The following DPY19L3 variants were observed in gnomAD, a reference collection of about 807,000 sequenced individuals.
The protein encoded by DPY19L3 is protein C-mannosyl-transferase DPY19L3.
In DPY19L3, 51 loss-of-function variants were observed where a neutral mutation model predicts 92.3. That is an observed-to-expected ratio of 0.55 (90% CI 0.44 to 0.70). The LOEUF (loss-of-function observed/expected upper bound fraction) is 0.70, where lower values mean the gene tolerates loss of function less well. Ranked by LOEUF, DPY19L3 falls within the 30% of genes least tolerant of loss-of-function variation. DPY19L3 has a pLI of 0.00. For synonymous variants in DPY19L3, 309 were observed against 315.2 expected, an observed-to-expected ratio of 0.98 and a Z score of 0.21; for missense variants, 706 against 855.9, an observed-to-expected ratio of 0.82 and a Z score of 2.18.
intron 3 of DPY19L3, among the ~76,000 whole-genome samples, chr19:32,423,276 T>A (rs897090965): frequency 1.3e-5 from 2 of 152,084 alleles, no homozygotes; most frequent in African/African-American, 4.8e-5. Context: ...GCTCGCTCTG[T>A]CGCCTAGGCT....
At chr19:32,477,388 TC>T (rs1413329105) in intron 16 of DPY19L3, 133 bp from the exon 17 acceptor site, 1 of 1,182,696 alleles carries the variant, frequency 8.5e-7, no homozygotes, top group Non-Finnish European at 1.2e-6. Flanking sequence ...CGAAGCAAAC[TC>T]CCGTTTTTTT....
chr19:32,482,075 T>G lies in DPY19L3; in HGVS notation c.1990-4T>G, dbSNP rs1970689593. On this transcript the variant is annotated splice_polypyrimidine_tract_variant and splice_region_variant and intron_variant, in intron 18 of 18. Transcript: ENST00000392250. Reference sequence around the variant, plus strand: ...AATTGTATTTGGGTTTGTTTTGGTTTTAGATGATGGATGGCCCAGGAGAGA... The same window carrying G: ...AATTGTATTTGGGTTTGTTTTGGTTGTAGATGATGGATGGCCCAGGAGAGA... The G allele has an allele frequency of 6.2e-7, 1 of 1,606,536 alleles. No individual in the cohort carries two copies. Among genetic ancestry groups the G allele is most frequent in the Admixed American group, 1.7e-5 (1 of 57,736 alleles).
intron 3 of DPY19L3, among the ~76,000 whole-genome samples, chr19:32,431,991 A>G (rs895403585): frequency 2.0e-5 from 3 of 152,206 alleles, no homozygotes; most frequent in African/African-American, 7.2e-5. Flanking sequence ...AAAGTATTTC[A>G]TTTGGATTTC....
chr19:32,459,170 T>G (rs969447790), intron 12 of DPY19L3, among the ~76,000 whole-genome samples: 1 of 152,152 alleles, frequency 6.6e-6, no homozygotes, highest in Non-Finnish European at 1.5e-5. Flanking sequence ...TATCTACCAA[T>G]CTACTGAAAG....
In DPY19L3 at chr19:32,437,147, G is replaced by A. The variant is rs763169730; in HGVS notation, c.451-47G>A. ...GTCATGTTTTAAATGGCACTGAGGA[G>A]GGTTAGGGCTCACCTGACAAACATG... is the stretch of plus-strand genomic sequence containing the variant. On this transcript the variant is annotated intron_variant, in intron 5 of 18. Coordinates refer to ENST00000392250, the MANE Select transcript of DPY19L3 (RefSeq NM_001172774.2). 1.1e-5 allele frequency: 17 copies of A among 1,610,074 alleles called. No homozygotes were observed. The African/African-American group carries it at 2.1e-4, about 20-fold the overall frequency.
chr19:32,467,554 C>T, intron 15 of DPY19L3: 1 of 987,594 alleles, frequency 1.0e-6, no homozygotes, highest in Non-Finnish European at 1.2e-6. Flanking sequence ...TTTGAATGAG[C>T]AGTAAAAATG....
intron 3 of DPY19L3, among the ~76,000 whole-genome samples, chr19:32,430,646 G>A (rs1178801968): frequency 1.3e-5 from 2 of 151,820 alleles, no homozygotes; most frequent in Non-Finnish European, 2.9e-5. Flanking sequence ...TTTGAGGCAG[G>A]GTCTCGCTCT....
intron 15 of DPY19L3, 43 bp downstream of exon 15, chr19:32,464,827 A>C: frequency 7.6e-7 from 1 of 1,316,850 alleles, no homozygotes. Flanking sequence ...TGTATTTAGC[A>C]GAATAATTGC....
chr19:32,429,137 A>G (rs1226050341), intron 3 of DPY19L3, among the ~76,000 whole-genome samples: 2 of 152,074 alleles, frequency 1.3e-5, no homozygotes, highest in Non-Finnish European at 2.9e-5. Context: ...GTGAGCCACC[A>G]CACCCGGCCA....
At position 32,483,754 on chromosome 19, in the gene DPY19L3, T is replaced by C. The variant is rs908428355; in HGVS notation, c.*1514T>C. On this transcript the variant is annotated 3_prime_UTR_variant, in exon 19 of 19. Coordinates refer to ENST00000392250, the MANE Select transcript of DPY19L3 (RefSeq NM_001172774.2). ...TTATGCAACTGAAACTCCTGAATTA[T>C]ATCTTTTCTGTATCCCTTAATAAGA... The C allele has an allele frequency of 2.0e-5, 3 of 152,332 alleles. No individual in the cohort carries two copies. The highest frequency in any genetic ancestry group is 6.5e-5 in the Admixed American group (1 of 15,286). 9.4% of individuals were successfully genotyped at this position (152,332 alleles called of 1,614,324 possible).
chr19:32,449,696 G>T (rs898467062), intron 8 of DPY19L3, among the ~76,000 whole-genome samples: 1 of 152,216 alleles, frequency 6.6e-6, no homozygotes, highest in Admixed American at 6.5e-5. Flanking sequence ...AACAAATGGT[G>T]CAGGAATAAC....
At chr19:32,473,951 C>G (rs372937331) in intron 16 of DPY19L3, among the ~76,000 whole-genome samples, 1 of 152,072 alleles carries the variant, frequency 6.6e-6, no homozygotes, top group African/African-American at 2.4e-5. Context: ...TACAGGCAGG[C>G]GCCACCACAC....
intron 16 of DPY19L3, among the ~76,000 whole-genome samples, chr19:32,471,824 G>C (rs887210247): frequency 2.0e-5 from 3 of 152,174 alleles, no homozygotes; most frequent in African/African-American, 2.4e-5. Flanking sequence ...TTACCTGAGG[G>C]TGACACTTAA....
At chr19:32,449,648 G>T (rs762033006) in intron 8 of DPY19L3, among the ~76,000 whole-genome samples, 1 of 152,142 alleles carries the variant, frequency 6.6e-6, no homozygotes. Flanking sequence ...TTCAACAAGG[G>T]TGTGAAGATA....
In DPY19L3 at chr19:32,477,659, G is replaced by A. The variant is rs1399948601; in HGVS notation, c.1830+5G>A. On this transcript the variant is annotated splice_donor_5th_base_variant and intron_variant, in intron 17 of 18. Coordinates refer to ENST00000392250, the MANE Select transcript of DPY19L3 (RefSeq NM_001172774.2). The stretch of plus-strand genomic sequence containing the variant: ...CTGAGAGAGCGGACCAGAGCGGTGA[G>A]GCTCCCCAGTGCCTCCCCTCGCTTC... The A allele has an allele frequency of 1.2e-6, 2 of 1,613,768 alleles. No homozygotes were observed. Among genetic ancestry groups the A allele is most frequent in the Non-Finnish European group, 8.5e-7 (1 of 1,180,028 alleles).
intron 15 of DPY19L3, chr19:32,467,636 T>A (rs928529852): frequency 1.0e-6 from 1 of 987,516 alleles, no homozygotes; most frequent in Admixed American, 6.1e-5. Flanking sequence ...GGTGCTGCTT[T>A]GATTCTACTA....
intron 9 of DPY19L3, among the ~76,000 whole-genome samples, chr19:32,454,689 G>C (rs1969811252): frequency 6.6e-6 from 1 of 151,954 alleles, no homozygotes; most frequent in South Asian, 2.1e-4. Flanking sequence ...AAAATAATTA[G>C]GAAAAAAAAG....
chr19:32,464,626 C>G, intron 14 of DPY19L3, 102 bp from the exon 15 acceptor site: 1 of 666,978 alleles, frequency 1.5e-6, no homozygotes, highest in Non-Finnish European at 2.4e-6. Context: ...CACTTGAGCC[C>G]AAGAATTCCA....
intron 3 of DPY19L3, among the ~76,000 whole-genome samples, chr19:32,422,687 T>C (rs920488440): frequency 6.7e-6 from 1 of 150,276 alleles, no homozygotes; most frequent in Admixed American, 6.7e-5. Flanking sequence ...TCAAGGAAAC[T>C]TTCCAAAAGT....
Sources: allele counts gnomAD v4.1 joint callset (sites outside exome capture counted in the v4.1 genomes callset), GRCh38; gene constraint gnomAD v4.1.1; transcripts MANE v1.5; gene names NCBI Gene and HGNC (gene_info 2026-07-23, HGNC 2026-07-21).